CDH22: variants seen among roughly 807,000 people sequenced by gnomAD.
CDH22 encodes cadherin-22.
CDH22 carries 30 observed loss-of-function variants against 58.4 expected under a neutral mutation model. The observed-to-expected ratio is 0.51, with a 90% CI of 0.38 to 0.70. The LOEUF is 0.70. Among genes scored for constraint, CDH22 ranks in the 30% least tolerant of loss-of-function variants. CDH22 has a pLI of 0.00. For missense variants in CDH22, 1,014 were observed against 1,233.9 expected (o/e 0.82, Z 2.67); for synonymous variants, 513 against 558.2 (o/e 0.92, Z 1.14).
chr20:46,175,180 C>T, intron 11 of CDH22, 103 bp from the exon 12 acceptor site: 2 of 1,129,510 alleles, frequency 1.8e-6, no homozygotes, highest in Non-Finnish European at 2.5e-6. Flanking sequence ...GCAGAGCGGG[C>T]CCAGCCTCAA....
At chr20:46,223,157 C>CT (rs1463356485) in intron 4 of CDH22, among the ~76,000 whole-genome samples, 4 of 152,208 alleles carry the variant, frequency 2.6e-5, no homozygotes, top group Admixed American at 6.5e-5. Context: ...TCCTCACTTT[C>CT]TGACCTCTTG....
intron 7 of CDH22, among the ~76,000 whole-genome samples, chr20:46,206,260 C>T (rs914399530): frequency 2.0e-5 from 3 of 152,230 alleles, no homozygotes; most frequent in Admixed American, 6.5e-5. Context: ...GGTCAAACCC[C>T]GGTGCTTCCC....
intron 1 of CDH22, among the ~76,000 whole-genome samples, chr20:46,254,124 A>T (rs2086394598): frequency 2.0e-5 from 3 of 152,224 alleles, no homozygotes; most frequent in African/African-American, 7.2e-5. Context: ...AGACAGCAAG[A>T]TGCAATCAGT....
chr20:46,181,716 TTTCCTTCCTTCC>T (rs768698552), intron 10 of CDH22, among the ~76,000 whole-genome samples: 3 of 44,336 alleles, frequency 6.8e-5, no homozygotes, highest in Non-Finnish European at 1.3e-4. Context: ...TCTTTCTTTT[TTTCCTTCCTTCC>T]TTCCTTCCTT....
chr20:46,263,406 C>CTGTGTGTGTG (rs3081942), intron 1 of CDH22, among the ~76,000 whole-genome samples: 3,057 of 150,438 alleles, frequency 0.02, 41 homozygotes, highest in African/African-American at 0.044. Flanking sequence ...GCCTTCCATT[C>CTGTGTGTGTG]TGTGTGTGTG....
chr20:46,269,631 G>A (rs1455725474), intron 1 of CDH22, among the ~76,000 whole-genome samples: 9 of 152,156 alleles, frequency 5.9e-5, no homozygotes, highest in Non-Finnish European at 1.0e-4. Context: ...TCCCCACACC[G>A]TGCACCCTCT....
At chr20:46,237,736 A>G (rs2086263849) in intron 3 of CDH22, among the ~76,000 whole-genome samples, 2 of 152,236 alleles carry the variant, frequency 1.3e-5, no homozygotes, top group South Asian at 4.1e-4. Flanking sequence ...GCCAGTGGTC[A>G]TAAACTGGGG....
intron 1 of CDH22, among the ~76,000 whole-genome samples, chr20:46,267,964 A>AG (rs1328019230): frequency 1.3e-4 from 20 of 152,228 alleles, no homozygotes; most frequent in Non-Finnish European, 2.8e-4. Flanking sequence ...CTCTCTCAGC[A>AG]GGGGCCTCAG....
Position 46,251,242 on chromosome 20 carries a change from G to C in CDH22, c.53C>G (p.Pro18Arg), listed in dbSNP as rs1291096516. ...RGLRAGVALS[P>R]ALLLLLLLPP... ...CAGCAGCAGCAGCAGCAGTAGCGCG[G>C]GGGACAGCGCGACTCCCGCCCGGAG... Residue 18 changes from proline to arginine, a missense_variant, in exon 2 of 12, where the codon CCC becomes CGC. By Grantham distance (103) the Pro-to-Arg change is moderately radical. Coordinates refer to ENST00000537909, the MANE Select transcript of CDH22 (RefSeq NM_021248.3). The surrounding 1 kb of genome is among the most constrained non-coding windows in gnomAD (Gnocchi z 6.7). The C allele has an allele frequency of 1.4e-6, 2 of 1,472,952 alleles. No individual in the cohort carries two copies. The highest frequency in any genetic ancestry group is 1.8e-6 in the Non-Finnish European group (2 of 1,115,330). The allele number at this position is 1,472,952 out of a possible 1,614,324, so 91.2% of individuals were successfully genotyped here.
chr20:46,209,740 A>G (rs2086026169), intron 7 of CDH22: 1 of 152,354 alleles, frequency 6.6e-6, no homozygotes, highest in Admixed American at 6.5e-5. Flanking sequence ...AGAGGAGGCA[A>G]GGATGCCTCC....
At chr20:46,261,497 G>T (rs1002916599) in intron 1 of CDH22, among the ~76,000 whole-genome samples, 6 of 152,200 alleles carry the variant, frequency 3.9e-5, no homozygotes, top group Non-Finnish European at 7.3e-5. Flanking sequence ...CCAGACTCAG[G>T]CTAGGGGAAA....
intron 1 of CDH22, among the ~76,000 whole-genome samples, chr20:46,307,835 G>A (rs1335668447): frequency 1.3e-5 from 2 of 152,034 alleles, no homozygotes; most frequent in South Asian, 2.1e-4. Context: ...TGGGGGACCG[G>A]GAACGCCTGG....
At chr20:46,243,431 A>G (rs2425797) in intron 2 of CDH22, among the ~76,000 whole-genome samples, 141,203 of 152,270 alleles carry the variant, frequency 0.93, 65,683 homozygotes, top group Middle Eastern at 0.96. Context: ...CCGGGTCCCC[A>G]TCCTGTTATA....
intron 1 of CDH22, among the ~76,000 whole-genome samples, chr20:46,303,947 C>T (rs1046385237): frequency 6.6e-6 from 1 of 152,090 alleles, no homozygotes; most frequent in Non-Finnish European, 1.5e-5. Flanking sequence ...AGGGAGGAGG[C>T]TGCCACAACA....
At chr20:46,290,624 C>G (rs1324308485) in intron 1 of CDH22, among the ~76,000 whole-genome samples, 1 of 152,106 alleles carries the variant, frequency 6.6e-6, no homozygotes, top group African/African-American at 2.4e-5. Context: ...CCTTGTGTCC[C>G]CCTCCTCCTG....
intron 8 of CDH22, among the ~76,000 whole-genome samples, chr20:46,190,448 T>C (rs887384634): frequency 1.3e-5 from 2 of 152,218 alleles, no homozygotes; most frequent in Non-Finnish European, 2.9e-5. Flanking sequence ...GTGGCAGCTA[T>C]GGCTTAGACC....
intron 1 of CDH22, among the ~76,000 whole-genome samples, chr20:46,261,532 A>G (rs186160486): frequency 1.8e-4 from 27 of 152,338 alleles, no homozygotes; most frequent in African/African-American, 5.5e-4. Context: ...GAGGCAGCTC[A>G]TTCATCTGTT....
intron 4 of CDH22, among the ~76,000 whole-genome samples, chr20:46,221,848 C>G (rs1024113146): frequency 6.6e-6 from 1 of 152,214 alleles, no homozygotes; most frequent in East Asian, 1.9e-4. Context: ...TATTCCAAAA[C>G]AGTCCATGAA....
chr20:46,235,893 G>C (rs1555804287), intron 3 of CDH22, among the ~76,000 whole-genome samples: 1 of 152,110 alleles, frequency 6.6e-6, no homozygotes, highest in Non-Finnish European at 1.5e-5. Context: ...ATATAAGCTG[G>C]ATTAGATTAA....
Sources: gnomAD v4.1 joint callset for allele counts (sites outside exome capture counted in the v4.1 genomes callset) on GRCh38, gnomAD v4.1.1 for gene constraint, Gnocchi (gnomAD v3.1) non-coding constraint, MANE v1.5 for transcripts, NCBI Gene and HGNC (gene_info 2026-07-23, HGNC 2026-07-21) for gene names.